The following DNAH8 variants were observed in gnomAD, a reference collection of about 807,000 sequenced individuals.
DNAH8 encodes the protein dynein axonemal heavy chain 8.
A neutral mutation model predicts 562.1 loss-of-function variants in DNAH8; 382 were observed. That is an observed-to-expected ratio of 0.68 (90% confidence interval 0.63 to 0.74). The LOEUF (loss-of-function observed/expected upper bound fraction) is 0.74. Ranked by LOEUF, DNAH8 falls within the 30% of genes least tolerant of loss-of-function variation. The pLI, the probability that DNAH8 is intolerant of heterozygous loss-of-function variation, is 0.00. For synonymous variants in DNAH8, 1,881 were observed against 1,919.4 expected, an observed-to-expected ratio of 0.98 and a Z score of 0.52; for missense variants, 5,203 against 5,620.4, an observed-to-expected ratio of 0.93 and a Z score of 2.37.
intron 83 of DNAH8, among the ~76,000 whole-genome samples, chr6:38,972,885 C>T (rs1040908430): frequency 3.3e-5 from 5 of 152,172 alleles, no homozygotes; most frequent in African/African-American, 1.2e-4. Flanking sequence ...GACGGCACAT[C>T]CCCTTTACTA....
At chr6:38,943,200 A>C (rs908688216) in intron 79 of DNAH8, among the ~76,000 whole-genome samples, 2 of 152,212 alleles carry the variant, frequency 1.3e-5, no homozygotes, top group Admixed American at 1.3e-4. Flanking sequence ...TTGGGATTTT[A>C]TGATAGGTTG....
At chr6:38,717,481 G>T (rs1034113058) in intron 1 of DNAH8, among the ~76,000 whole-genome samples, 1 of 151,800 alleles carries the variant, frequency 6.6e-6, no homozygotes, top group Non-Finnish European at 1.5e-5. Flanking sequence ...ACGCCACCAC[G>T]CCCGGCTAAT....
rs756182046 is a variant in DNAH8 at position 38,923,161 on chromosome 6, A to G, written c.10766A>G (p.Lys3589Arg). Reference protein sequence around the residue: ...GEKIRWTQQSKEFKAQINRLV... With the variant: ...GEKIRWTQQSREFKAQINRLV... ...AAAATCCGGTGGACCCAGCAAAGTA[A>G]AGAATTCAAAGCTCAGATTAATAGG... The change falls in exon 72 of 93, where the codon AAA becomes AGA. Residue 3589 changes from lysine to arginine, a missense_variant. Physicochemically the swap from Lys to Arg is conservative, Grantham distance 26 (BLOSUM62 2). Around this residue, in one of 6 missense-constraint regions of DNAH8, gnomAD observed 1,399 missense variants for 1,518.4 expected, o/e 0.92. Transcript: ENST00000327475. The G allele has an allele frequency of 6.2e-6, 10 of 1,613,576 alleles. No individual in the cohort carries two copies. The Admixed American group carries it at 1.3e-4, about 22-fold the overall frequency.
chr6:38,923,949 G>A, intron 72 of DNAH8, 42 bp from the exon 73 acceptor site: 1 of 1,607,352 alleles, frequency 6.2e-7, no homozygotes. Flanking sequence ...CTTAATGTCA[G>A]GTGACTCACT....
intron 10 of DNAH8, among the ~76,000 whole-genome samples, chr6:38,761,064 C>CATTTTTTTTTTG (rs1047802344): frequency 7.2e-6 from 1 of 138,526 alleles, no homozygotes; most frequent in Non-Finnish European, 1.6e-5. Context: ...ATTTGCTCTT[C>CATTTTTTTTTTG]ATTTTTTTTT....
chr6:38,845,354 C>T (rs1052532263), intron 35 of DNAH8, among the ~76,000 whole-genome samples: 4 of 152,012 alleles, frequency 2.6e-5, no homozygotes, highest in South Asian at 2.1e-4. Context: ...GTATGTGGTA[C>T]AGAAAAATAA....
intron 82 of DNAH8, among the ~76,000 whole-genome samples, chr6:38,953,409 A>G (rs975014362): frequency 1.3e-5 from 2 of 152,254 alleles, no homozygotes; most frequent in Admixed American, 6.5e-5. Flanking sequence ...GGGAGAAATT[A>G]TAACTGACAT....
intron 33 of DNAH8, among the ~76,000 whole-genome samples, chr6:38,838,524 G>A (rs1012477738): frequency 3.0e-4 from 45 of 151,806 alleles, no homozygotes; most frequent in Non-Finnish European, 5.4e-4. Context: ...TCAGCCTTCC[G>A]AATAGCTGGG....
chr6:38,973,559 CAG>C (rs1763476516), intron 83 of DNAH8, 100 bp from the exon 84 acceptor site: 1 of 846,336 alleles, frequency 1.2e-6, no homozygotes, highest in African/African-American at 1.8e-5. Context: ...GTGTTCAAAA[CAG>C]AGTATTCACA....
At chr6:38,798,033 G>A (rs923357258) in intron 21 of DNAH8, among the ~76,000 whole-genome samples, 2 of 151,418 alleles carry the variant, frequency 1.3e-5, no homozygotes, top group South Asian at 2.1e-4. Flanking sequence ...AGCCGAGACC[G>A]TGTCCACTCC....
chr6:38,733,402 G>A (rs532332261), intron 4 of DNAH8, among the ~76,000 whole-genome samples: 207 of 152,328 alleles, frequency 1.4e-3, no homozygotes, highest in Non-Finnish European at 1.4e-3. Context: ...TACAATGAGT[G>A]TATTTGGTAC....
chr6:38,857,695 A>G lies in DNAH8; in HGVS notation c.5911A>G (p.Thr1971Ala), dbSNP rs1563013990. The stretch of plus-strand genomic sequence containing the variant: ...CAAGTTTGATAGAGTGAAGTTCGAG[A>G]CTCTAATTACCATCCATGTGCATCA... Reference protein sequence around the residue: ...LSKFDRVKFETLITIHVHQRD... With the variant: ...LSKFDRVKFEALITIHVHQRD... Residue 1971 changes from threonine (T) to alanine (A), a missense_variant, in exon 42 of 93, where the codon ACT becomes GCT. Thr to Ala is a moderately conservative substitution (Grantham distance 58). Around this residue, in one of 6 missense-constraint regions of DNAH8, gnomAD observed 2,176 missense variants for 2,365.1 expected, o/e 0.92. Transcript: ENST00000327475. 1 of 1,613,622 alleles carries G rather than the reference A, an allele frequency of 6.2e-7. No individual in the cohort carries two copies. Among genetic ancestry groups the G allele is most frequent in the Non-Finnish European group, 8.5e-7 (1 of 1,179,682 alleles).
At chr6:38,925,976 T>C in intron 73 of DNAH8, 79 bp from the exon 74 acceptor site, 1 of 1,249,692 alleles carries the variant, frequency 8.0e-7, no homozygotes, top group Admixed American at 2.6e-5. Flanking sequence ...TAAATTATTT[T>C]ACTTTACAGT....
intron 10 of DNAH8, among the ~76,000 whole-genome samples, chr6:38,757,703 G>C (rs1306856771): frequency 6.6e-6 from 1 of 152,184 alleles, no homozygotes; most frequent in African/African-American, 2.4e-5. Flanking sequence ...TTTGTATAAG[G>C]TGTAAGGAAG....
chr6:38,843,611 T>C (rs1002270428), intron 35 of DNAH8, among the ~76,000 whole-genome samples: 9 of 152,238 alleles, frequency 5.9e-5, no homozygotes, highest in African/African-American at 1.9e-4. Flanking sequence ...ATACTATCTT[T>C]ATCTATACTT....
intron 74 of DNAH8, among the ~76,000 whole-genome samples, chr6:38,927,493 G>T (rs1782212913): frequency 6.6e-6 from 1 of 152,204 alleles, no homozygotes; most frequent in South Asian, 2.1e-4. Flanking sequence ...TAGAAGAGAA[G>T]AGTTAAAAGA....
intron 33 of DNAH8, 59 bp downstream of exon 33, chr6:38,838,101 G>T: frequency 1.8e-6 from 2 of 1,081,134 alleles, no homozygotes; most frequent in East Asian, 2.5e-5. Context: ...TCTATTAGAA[G>T]AATCATGTCA....
intron 65 of DNAH8, among the ~76,000 whole-genome samples, chr6:38,910,877 T>C (rs1217210142): frequency 6.6e-6 from 1 of 152,196 alleles, no homozygotes; most frequent in African/African-American, 2.4e-5. Flanking sequence ...TTTTTTCACT[T>C]GAGCTTCTTC....
chr6:38,826,128 T>C, intron 28 of DNAH8, 28 bp from the exon 29 acceptor site: 1 of 1,474,642 alleles, frequency 6.8e-7, no homozygotes, highest in South Asian at 1.3e-5. Flanking sequence ...AGTTATATTC[T>C]AATTTAATTT....
Sources: allele counts gnomAD v4.1 joint callset (sites outside exome capture counted in the v4.1 genomes callset), GRCh38; gene constraint gnomAD v4.1.1; regional missense constraint gnomAD v4.1.1; transcripts MANE v1.5; gene names NCBI Gene and HGNC (gene_info 2026-07-23, HGNC 2026-07-21).